The following IL1RAPL2 variants were observed in gnomAD, a reference collection of about 807,000 sequenced individuals.
The protein encoded by IL1RAPL2 is X-linked interleukin-1 receptor accessory protein-like 2.
In IL1RAPL2, 3 loss-of-function variants were observed where a neutral mutation model predicts 44.1. The observed-to-expected ratio is 0.07, with a 90% confidence interval of 0.03 to 0.18. The LOEUF (loss-of-function observed/expected upper bound fraction) is 0.18, where lower values mean the gene tolerates loss of function less well. IL1RAPL2 is among the 10% of genes least tolerant of loss of function. The pLI is 1.00. For missense variants in IL1RAPL2, 391 were observed against 496.4 expected (o/e 0.79, Z 2.02); for synonymous variants, 181 against 178.8 (o/e 1.01, Z -0.10).
At chrX:105,740,790 C>A in intron 8 of IL1RAPL2, 99 bp downstream of exon 8, 1 of 770,183 alleles carries the variant, frequency 1.3e-6, no homozygotes, top group East Asian at 3.4e-5. Context: ...TAGTGTAAAC[C>A]TTTATTAACC....
intron 2 of IL1RAPL2, among the ~76,000 whole-genome samples, chrX:105,051,933 C>T (rs993356413): frequency 4.5e-5 from 5 of 112,157 alleles, no homozygotes; most frequent in African/African-American, 1.6e-4. Context: ...CACCATGGCA[C>T]ACATATACCT....
chrX:104,787,735 A>G (rs752485392), intron 2 of IL1RAPL2, among the ~76,000 whole-genome samples: 34 of 111,933 alleles, frequency 3.0e-4, no homozygotes, highest in Middle Eastern at 4.2e-3. Context: ...TTGGGCATAC[A>G]TTAAAATCAA....
intron 2 of IL1RAPL2, among the ~76,000 whole-genome samples, chrX:104,721,955 A>G (rs1200772392): frequency 2.7e-5 from 3 of 111,336 alleles, no homozygotes; most frequent in Non-Finnish European, 5.7e-5. Flanking sequence ...TTTCTGGACA[A>G]TATCCAAAGC....
intron 8 of IL1RAPL2, among the ~76,000 whole-genome samples, chrX:105,747,516 GTA>G (rs554778058): frequency 0.26 from 14,041 of 53,344 alleles, 1,189 homozygotes; most frequent in Non-Finnish European, 0.3. Flanking sequence ...GTGTGTGTGT[GTA>G]TATATATATA....
chrX:105,290,907 G>C (rs977817616), intron 5 of IL1RAPL2, among the ~76,000 whole-genome samples: 1 of 111,137 alleles, frequency 9.0e-6, no homozygotes, highest in Admixed American at 9.6e-5. Flanking sequence ...TTTTCTAATA[G>C]GAACATTTCT....
intron 2 of IL1RAPL2, among the ~76,000 whole-genome samples, chrX:104,826,362 C>T (rs760127672): frequency 2.7e-5 from 3 of 111,503 alleles, no homozygotes; most frequent in Non-Finnish European, 5.6e-5. Context: ...GCCTTTATTT[C>T]ATTATTTACC....
chrX:104,995,796 A>G (rs2030737759), intron 2 of IL1RAPL2, among the ~76,000 whole-genome samples: 2 of 111,773 alleles, frequency 1.8e-5, no homozygotes, highest in Admixed American at 9.5e-5. Flanking sequence ...CCTCTTTGCC[A>G]CCTATAAGCT....
intron 2 of IL1RAPL2, among the ~76,000 whole-genome samples, chrX:104,755,121 C>T (rs977796444): frequency 9.0e-6 from 1 of 111,492 alleles, no homozygotes; most frequent in Non-Finnish European, 1.9e-5. Context: ...CCAAATCTAA[C>T]CAAATCTCTG....
At position 104,995,422 on chromosome X, in the gene IL1RAPL2, G is replaced by A. The variant is rs191283209; in HGVS notation, c.83-200053G>A. ...ATAGTCCAGGTCTATCCAAGTGAGA[G>A]CAGAATCTATCTCTTACATGGCATA... On this transcript the variant is annotated intron_variant, in intron 2 of 10. Transcript: ENST00000372582. Among the ~76,000 whole-genome samples the A allele has an allele frequency of 9.8e-4, 109 of 111,694 alleles. 1 individual carries two copies. The highest frequency in any genetic ancestry group is 8.8e-3 in the Admixed American group (92 of 10,457).
chrX:105,026,731 G>A (rs1342508241), intron 2 of IL1RAPL2, among the ~76,000 whole-genome samples: 1 of 110,743 alleles, frequency 9.0e-6, no homozygotes, highest in Non-Finnish European at 1.9e-5. Context: ...TCATGGATTA[G>A]AAGAATCAAT....
intron 6 of IL1RAPL2, among the ~76,000 whole-genome samples, chrX:105,600,916 A>G (rs932126115): frequency 2.2e-4 from 24 of 111,394 alleles, no homozygotes; most frequent in African/African-American, 6.8e-4. Flanking sequence ...AACATATGAT[A>G]TCATCAAACT....
intron 2 of IL1RAPL2, among the ~76,000 whole-genome samples, chrX:105,003,236 G>C (rs907458178): frequency 9.0e-6 from 1 of 110,787 alleles, no homozygotes; most frequent in Non-Finnish European, 1.9e-5. Context: ...ATTATTATAA[G>C]TATCCAGTAA....
chrX:104,609,433 C>A (rs1929095521), intron 1 of IL1RAPL2, among the ~76,000 whole-genome samples: 1 of 111,835 alleles, frequency 8.9e-6, no homozygotes, highest in Non-Finnish European at 1.9e-5. Context: ...TAGATAATAT[C>A]TTGAAGAGTG....
intron 5 of IL1RAPL2, among the ~76,000 whole-genome samples, chrX:105,451,498 A>G (rs953025483): frequency 8.9e-6 from 1 of 112,237 alleles, no homozygotes; most frequent in African/African-American, 3.2e-5. Context: ...GCTTTTGTGT[A>G]TAAGACAGAT....
chrX:104,570,550 G>T (rs1928126942), intron 1 of IL1RAPL2, among the ~76,000 whole-genome samples: 1 of 111,447 alleles, frequency 9.0e-6, no homozygotes, highest in African/African-American at 3.3e-5. Context: ...CTAATGTAAG[G>T]CCTGATGCAA....
intron 5 of IL1RAPL2, among the ~76,000 whole-genome samples, chrX:105,386,548 G>A (rs766891942): frequency 3.8e-4 from 42 of 111,364 alleles, no homozygotes; most frequent in Non-Finnish European, 6.0e-4. Flanking sequence ...GTAAAAGCTG[G>A]CACTTAAATA....
chrX:105,180,367 G>A (rs781929961), intron 2 of IL1RAPL2, among the ~76,000 whole-genome samples: 1,275 of 107,549 alleles, frequency 0.012, 40 homozygotes, highest in African/African-American at 0.043. Context: ...AAAAAAAAAA[G>A]AAAAGAAAAA....
At chrX:104,893,436 G>T (rs1056910812) in intron 2 of IL1RAPL2, among the ~76,000 whole-genome samples, 7 of 111,224 alleles carry the variant, frequency 6.3e-5, no homozygotes, top group African/African-American at 2.3e-4. Flanking sequence ...CTCTTTGTAG[G>T]TCACTCAGGA....
chrX:104,818,460 G>T (rs754252625), intron 2 of IL1RAPL2, among the ~76,000 whole-genome samples: 11 of 109,714 alleles, frequency 1.0e-4, no homozygotes, highest in Non-Finnish European at 1.7e-4. Context: ...TATGATAGTG[G>T]ATGACATAAC....
Sources: allele counts gnomAD v4.1 joint callset (sites outside exome capture counted in the v4.1 genomes callset), GRCh38; gene constraint gnomAD v4.1.1; transcripts MANE v1.5; gene names NCBI Gene and HGNC (gene_info 2026-07-23, HGNC 2026-07-21).